The following UBE2J1 variants were observed in gnomAD, a reference collection of about 807,000 sequenced individuals.
The protein encoded by UBE2J1 is ubiquitin-conjugating enzyme E2 J1.
UBE2J1 carries 17 observed loss-of-function variants against 42.1 expected under a neutral mutation model. The ratio of observed to expected loss-of-function variants is 0.40; its 90% CI spans 0.28 to 0.61. UBE2J1 has a LOEUF of 0.61. UBE2J1 is among the 20% of genes least tolerant of loss of function. The pLI, the probability that UBE2J1 is intolerant of heterozygous loss-of-function variation, is 0.38. For missense variants in UBE2J1, 291 were observed against 389.4 expected (o/e 0.75, Z 2.13); for synonymous variants, 127 against 137.2 (o/e 0.93, Z 0.52).
At chr6:89,334,583 T>A (rs1768075595) in intron 6 of UBE2J1, among the ~76,000 whole-genome samples, 1 of 151,840 alleles carries the variant, frequency 6.6e-6, no homozygotes, top group South Asian at 2.1e-4. Context: ...GCAATTCTCC[T>A]GCCTCAGCCT....
At chr6:89,338,597 A>G (rs370147601) in intron 3 of UBE2J1, 54 bp from the exon 4 acceptor site, 113 of 905,756 alleles carry the variant, frequency 1.2e-4, no homozygotes, top group Admixed American at 5.8e-4. Context: ...TAATGTTTAT[A>G]CTTTCTGTAA....
intron 1 of UBE2J1, among the ~76,000 whole-genome samples, chr6:89,352,007 G>A (rs1768491777): frequency 6.6e-6 from 1 of 152,092 alleles, no homozygotes; most frequent in African/African-American, 2.4e-5. Flanking sequence ...TTGTTGTTTT[G>A]TTTTGCTTTA....
At chr6:89,342,868 A>C (rs1768274844) in intron 2 of UBE2J1, among the ~76,000 whole-genome samples, 1 of 152,224 alleles carries the variant, frequency 6.6e-6, no homozygotes, top group African/African-American at 2.4e-5. Context: ...GCTTATTTAT[A>C]AAATGGTAAT....
rs1463947430 is a variant in UBE2J1, at chr6:89,327,603, G to C, written c.*2076C>G. 6.6e-6 allele frequency: 1 copy of C among 152,328 alleles called. No individual in the cohort carries two copies. Among genetic ancestry groups the C allele is most frequent in the Non-Finnish European group, 1.5e-5 (1 of 68,048 alleles). The allele number at this position is 152,328 out of a possible 1,614,324, so 9.4% of individuals were successfully genotyped here. A position where few individuals can be genotyped will look rare whatever the true frequency, so the allele number is the denominator to read the frequency against. Reference sequence around the variant, plus strand: ...ACAAGCAGGTGGCTAGCTGACAGGTGGGGGAAGAGATGCAAGTCAGATAGC... The same window carrying C: ...ACAAGCAGGTGGCTAGCTGACAGGTCGGGGAAGAGATGCAAGTCAGATAGC... On this transcript the variant is annotated 3_prime_UTR_variant, in exon 8 of 8. Transcript: ENST00000435041.
chr6:89,339,118 AAAT>A (rs1768180979), intron 3 of UBE2J1, among the ~76,000 whole-genome samples: 1 of 151,880 alleles, frequency 6.6e-6, no homozygotes, highest in African/African-American at 2.4e-5. Context: ...AGTGAAATCT[AAAT>A]AATTAACATG....
At chr6:89,338,887 G>C (rs556109768) in intron 3 of UBE2J1, among the ~76,000 whole-genome samples, 15 of 151,898 alleles carry the variant, frequency 9.9e-5, no homozygotes, top group East Asian at 7.8e-4. Context: ...GGATGGTCTC[G>C]ATATCCTGAC....
At chr6:89,342,259 T>G in intron 3 of UBE2J1, 65 bp downstream of exon 3, 1 of 1,556,414 alleles carries the variant, frequency 6.4e-7, no homozygotes, top group Non-Finnish European at 8.8e-7. Context: ...ATGATTTGCT[T>G]ACTATATTTT....
chr6:89,348,817 G>A (rs1159935267), intron 1 of UBE2J1, among the ~76,000 whole-genome samples: 2 of 152,194 alleles, frequency 1.3e-5, no homozygotes, highest in African/African-American at 4.8e-5. Flanking sequence ...CTTAAAGCTT[G>A]AAGAACTATA....
chr6:89,347,219 T>C (rs886365362), intron 1 of UBE2J1, among the ~76,000 whole-genome samples: 1 of 152,190 alleles, frequency 6.6e-6, no homozygotes, highest in Admixed American at 6.5e-5. Flanking sequence ...AGAACAAAGA[T>C]GGAAAACCCT....
chr6:89,334,660 G>A (rs1457595703), intron 6 of UBE2J1, among the ~76,000 whole-genome samples: 3 of 151,820 alleles, frequency 2.0e-5, no homozygotes, highest in South Asian at 2.1e-4. Flanking sequence ...TAGTAGAGAC[G>A]GGGTTTCTCC....
chr6:89,334,459 T>G (rs1198110258), intron 6 of UBE2J1, among the ~76,000 whole-genome samples: 1 of 151,726 alleles, frequency 6.6e-6, no homozygotes, highest in Non-Finnish European at 1.5e-5. Context: ...GAATGTCATT[T>G]TCTTTTTCTT....
chr6:89,344,079 A>G (rs1768312063), intron 1 of UBE2J1, among the ~76,000 whole-genome samples: 1 of 152,174 alleles, frequency 6.6e-6, no homozygotes, highest in Admixed American at 6.5e-5. Flanking sequence ...CCCTTAATAC[A>G]ACATTACTAG....
intron 7 of UBE2J1, 40 bp downstream of exon 7, chr6:89,333,046 G>A: frequency 2.0e-6 from 3 of 1,515,980 alleles, no homozygotes; most frequent in Non-Finnish European, 2.6e-6. Flanking sequence ...CAGTGATAAT[G>A]ATAGAGACAT....
Position 89,329,867 on chromosome 6 carries a change from C to G in UBE2J1, c.769G>C (p.Ala257Pro). The change falls in exon 8 of 8, where the codon GCC becomes CCC. Residue 257 changes from alanine to proline, a missense_variant. Transcript: ENST00000435041. ...AACCTTCTCTGACTCTGCTGCTGGG[C>G]CCGGCGCTGTCGAGGGCTCATGGAG... ...NTSMSPRQRR[A>P]QQQSQRRLST... 1 of 1,614,052 alleles carries G rather than the reference C, an allele frequency of 6.2e-7. No homozygotes were observed. The highest frequency in any genetic ancestry group is 1.1e-5 in the South Asian group (1 of 91,084).
chr6:89,335,457 AAAAT>A, intron 5 of UBE2J1, 26 bp from the exon 6 acceptor site: 2 of 1,518,070 alleles, frequency 1.3e-6, no homozygotes, highest in East Asian at 2.4e-5. Flanking sequence ...TTTTTAAATG[AAAAT>A]AAATAGTTAA....
At position 89,338,520 on chromosome 6, in the gene UBE2J1, G is replaced by T. The variant is rs756526315; in HGVS notation, c.261C>A (p.Gly87=). The part of the protein sequence containing the change: ...LLTANGRFEV[G]KKICLSISGH... ...CTGAGATGCTCAAACAGATTTTCTT[G>T]CCCACTTCAAATCGACCATTAGCCT... The change falls in exon 4 of 8, where the codon GGC becomes GGA. Residue 87 remains glycine (G), a synonymous_variant. Coordinates refer to ENST00000435041, the MANE Select transcript of UBE2J1 (RefSeq NM_016021.3). The T allele has an allele frequency of 6.3e-7, 1 of 1,588,652 alleles. No individual in the cohort carries two copies. The highest frequency in any genetic ancestry group is 1.2e-5 in the South Asian group (1 of 85,644).
At chr6:89,334,474 CTTT>C (rs763354270) in intron 6 of UBE2J1, among the ~76,000 whole-genome samples, 1 of 138,448 alleles carries the variant, frequency 7.2e-6, no homozygotes. Context: ...TTTCTTTTTT[CTTT>C]TTTTTTTTTT....
Position 89,329,584 on chromosome 6 carries a change from C to T in UBE2J1, c.*95G>A, listed in dbSNP as rs1767963886. 7.2e-7 allele frequency: 1 copy of T among 1,379,360 alleles called. No individual in the cohort carries two copies. 85.4% of individuals were successfully genotyped at this position (1,379,360 alleles called of 1,614,324 possible). On this transcript the variant is annotated 3_prime_UTR_variant, in exon 8 of 8. Coordinates refer to ENST00000435041, the MANE Select transcript of UBE2J1 (RefSeq NM_016021.3). ...CAAAAAAAGGAATGAAGGGTAAATA[C>T]AAAATAATCTTTTTGTAAACAATTC...
At position 89,338,887 on chromosome 6, in the gene UBE2J1, G is replaced by T. The variant is rs556109768; in HGVS notation, c.238-344C>A. Among the ~76,000 whole-genome samples the T allele has an allele frequency of 2.0e-5, 3 of 151,784 alleles. No individual in the cohort carries two copies. In the South Asian group the frequency reaches 6.2e-4, roughly 31 times the overall value. ...TCACCGTGTTAGCCAGGATGGTCTC[G>T]ATATCCTGACCTTGTGATCTGCCCA... On this transcript the variant is annotated intron_variant, in intron 3 of 7. Coordinates refer to ENST00000435041, the MANE Select transcript of UBE2J1 (RefSeq NM_016021.3).
Sources: gnomAD v4.1 joint callset for allele counts (sites outside exome capture counted in the v4.1 genomes callset) on GRCh38, gnomAD v4.1.1 for gene constraint, MANE v1.5 for transcripts, NCBI Gene and HGNC (gene_info 2026-07-23, HGNC 2026-07-21) for gene names.